The following SLC22A9 variants were observed in gnomAD, a reference collection of about 807,000 sequenced individuals.
SLC22A9 encodes solute carrier family 22 member 9.
In SLC22A9, 64 loss-of-function variants were observed where a neutral mutation model predicts 50.1. That is an observed-to-expected ratio of 1.28 (90% CI 1.04 to 1.57). SLC22A9 has a LOEUF of 1.57. Ranked by LOEUF, SLC22A9 falls within the 40% of genes most tolerant of loss-of-function variation. The probability of loss-of-function intolerance (pLI) is 0.00; values close to 1 mark genes in which losing one functional copy is unlikely to be tolerated. For missense variants in SLC22A9, 757 were observed against 676.1 expected (o/e 1.12, Z -1.33); for synonymous variants, 261 against 242.5 (o/e 1.08, Z -0.71).
intron 9 of SLC22A9, 136 bp from the exon 10 acceptor site, chr11:63,409,666 T>C: frequency 2.4e-6 from 2 of 825,596 alleles, no homozygotes; most frequent in Non-Finnish European, 3.8e-6. Context: ...ACTCAATCCC[T>C]TGGGGGCAGA....
At chr11:63,405,309 G>A (rs536024010) in intron 6 of SLC22A9, among the ~76,000 whole-genome samples, 1 of 152,184 alleles carries the variant, frequency 6.6e-6, no homozygotes, top group African/African-American at 2.4e-5. Context: ...TCTGGCTTCT[G>A]GTTTGAGCAA....
intron 6 of SLC22A9, among the ~76,000 whole-genome samples, chr11:63,382,903 T>C (rs1165282462): frequency 1.3e-5 from 2 of 152,130 alleles, no homozygotes; most frequent in African/African-American, 4.8e-5. Context: ...ACCTGACCCA[T>C]GACAACCCCT....
intron 8 of SLC22A9, 23 bp from the exon 9 acceptor site, chr11:63,408,653 T>A: frequency 6.3e-7 from 1 of 1,593,240 alleles, no homozygotes; most frequent in Non-Finnish European, 8.6e-7. Flanking sequence ...CAGATATTCT[T>A]GTATTGCTGT....
chr11:63,375,858 A>G, intron 5 of SLC22A9, 90 bp downstream of exon 5: 3 of 1,506,344 alleles, frequency 2.0e-6, no homozygotes, highest in South Asian at 2.6e-5. Context: ...AGGTAAAAAA[A>G]GGAAAGAAAC....
At chr11:63,405,566 T>C (rs1226831776) in intron 6 of SLC22A9, among the ~76,000 whole-genome samples, 1 of 152,186 alleles carries the variant, frequency 6.6e-6, no homozygotes, top group Non-Finnish European at 1.5e-5. Context: ...TAGGTTTCCT[T>C]GTTGCATTCT....
intron 6 of SLC22A9, among the ~76,000 whole-genome samples, chr11:63,385,706 G>A (rs1318205127): frequency 6.6e-6 from 1 of 152,026 alleles, no homozygotes; most frequent in Non-Finnish European, 1.5e-5. Flanking sequence ...GAGTCAATAG[G>A]GCTTTCTAGA....
intron 5 of SLC22A9, among the ~76,000 whole-genome samples, chr11:63,381,922 G>A (rs2014568986): frequency 6.6e-6 from 1 of 152,068 alleles, no homozygotes; most frequent in Admixed American, 6.6e-5. Flanking sequence ...ATGCTCTGTA[G>A]CCACTTGGAT....
intron 8 of SLC22A9, 84 bp downstream of exon 8, chr11:63,408,304 A>G (rs1432539048): frequency 2.9e-6 from 3 of 1,036,044 alleles, no homozygotes. Flanking sequence ...GAAATCTAAG[A>G]CTGGTTCATT....
chr11:63,382,565 C>A lies in SLC22A9; in HGVS notation c.1073+288C>A, dbSNP rs111739037. Among the ~76,000 whole-genome samples, 6 of 152,186 alleles carry A rather than the reference C, an allele frequency of 3.9e-5. No homozygotes were observed. In the East Asian group the frequency reaches 1.2e-3, roughly 29 times the overall value. ...TATGCTTTGGCTTGAAGTTTCTTAACGTGTTTGTTTCCAGTTTTAATGAGG... is the reference window on the plus strand; with the variant it reads ...TATGCTTTGGCTTGAAGTTTCTTAAAGTGTTTGTTTCCAGTTTTAATGAGG... On this transcript the variant is annotated intron_variant, in intron 6 of 9. Coordinates refer to ENST00000279178, the MANE Select transcript of SLC22A9 (RefSeq NM_080866.3).
intron 6 of SLC22A9, among the ~76,000 whole-genome samples, chr11:63,382,707 G>T (rs563338973): frequency 6.6e-6 from 1 of 152,118 alleles, no homozygotes; most frequent in East Asian, 1.9e-4. Context: ...GGACATGATC[G>T]CAAGCATAGA....
At chr11:63,398,495 T>C (rs1045088903) in intron 6 of SLC22A9, among the ~76,000 whole-genome samples, 13 of 152,192 alleles carry the variant, frequency 8.5e-5, no homozygotes, top group African/African-American at 2.7e-4. Flanking sequence ...AGAACCCAGA[T>C]TCTGACCACT....
rs796539616 is a variant in SLC22A9, at chr11:63,388,126, T to C, written c.1073+5849T>C. Among the ~76,000 whole-genome samples the C allele has an allele frequency of 4.6e-5, 7 of 152,142 alleles. No homozygotes were observed. In the South Asian group the frequency reaches 8.3e-4, roughly 18 times the overall value. ...ATATCATCTGCAAACAAGAATAATT[T>C]GACTTCGAGTTTTCCAATTTGAATG... is the stretch of plus-strand genomic sequence containing the variant. On this transcript the variant is annotated intron_variant, in intron 6 of 9. Transcript: ENST00000279178.
intron 6 of SLC22A9, among the ~76,000 whole-genome samples, chr11:63,386,326 G>A (rs1209336133): frequency 6.6e-6 from 1 of 151,620 alleles, no homozygotes; most frequent in Non-Finnish European, 1.5e-5. Flanking sequence ...CAATAAATTA[G>A]GGAGGAGTCC....
chr11:63,399,358 G>T (rs932405008), intron 6 of SLC22A9, among the ~76,000 whole-genome samples: 1 of 152,122 alleles, frequency 6.6e-6, no homozygotes, highest in Non-Finnish European at 1.5e-5. Flanking sequence ...GAGAGAAAAA[G>T]GTATTCCATG....
intron 5 of SLC22A9, among the ~76,000 whole-genome samples, chr11:63,379,889 A>T (rs937822028): frequency 3.3e-5 from 5 of 152,044 alleles, no homozygotes; most frequent in Non-Finnish European, 5.9e-5. Context: ...GAGACATCAT[A>T]CCTGACTAAT....
At chr11:63,390,962 A>T in intron 6 of SLC22A9, among the ~76,000 whole-genome samples, 1 of 152,040 alleles carries the variant, frequency 6.6e-6, no homozygotes, top group East Asian at 1.9e-4. Context: ...CTTATAGCTA[A>T]AAATATACCT....
At position 63,392,747 on chromosome 11, in the gene SLC22A9, C is replaced by T. The variant is rs947869196; in HGVS notation, c.1073+10470C>T. On this transcript the variant is annotated intron_variant, in intron 6 of 9. Coordinates refer to ENST00000279178, the MANE Select transcript of SLC22A9 (RefSeq NM_080866.3). ...CTGATATATTGTAGTTTAATAAAAA[C>T]ATAGCTTATACAGTTCATTGAAAAA... is the stretch of plus-strand genomic sequence containing the variant. Among the ~76,000 whole-genome samples, 25 of 152,046 alleles carry T rather than the reference C, an allele frequency of 1.6e-4. 1 individual carries two copies. Among genetic ancestry groups the T allele is most frequent in the Non-Finnish European group, 3.1e-4 (21 of 67,952 alleles).
Position 63,406,630 on chromosome 11 carries a change from T to C in SLC22A9, c.1207T>C (p.Tyr403His), listed in dbSNP as rs78019460. The C allele has an allele frequency of 7.6e-4, 1,233 of 1,613,804 alleles. 15 individuals are homozygous for C. The African/African-American group carries it at 0.015, about 20-fold the overall frequency. Residue 403 changes from tyrosine to histidine, a missense_variant, in exon 7 of 10, where the codon TAC becomes CAC. Physicochemically the swap from Tyr to His is moderately conservative, Grantham distance 83 (BLOSUM62 2). Coordinates refer to ENST00000279178, the MANE Select transcript of SLC22A9 (RefSeq NM_080866.3). ...ANCVAPWALK[Y>H]MNRRASQMLL... ...CTGTGTTGCACCTTGGGCACTGAAA[T>C]ACATGAACCGTCGAGCAAGCCAGAT... is the stretch of plus-strand genomic sequence containing the variant.
At chr11:63,390,915 G>A (rs528935750) in intron 6 of SLC22A9, among the ~76,000 whole-genome samples, 25 of 152,030 alleles carry the variant, frequency 1.6e-4, no homozygotes, top group African/African-American at 6.0e-4. Flanking sequence ...TCATGAGGTT[G>A]TTTCTTTCAG....
Sources: allele counts gnomAD v4.1 joint callset (sites outside exome capture counted in the v4.1 genomes callset), GRCh38; gene constraint gnomAD v4.1.1; transcripts MANE v1.5; gene names NCBI Gene and HGNC (gene_info 2026-07-23, HGNC 2026-07-21).